Variants in GALNT16 observed in about 807,000 individuals in gnomAD.
GALNT16 encodes the protein polypeptide N-acetylgalactosaminyltransferase 16.
A neutral mutation model predicts 76.1 loss-of-function variants in GALNT16; 40 were observed. The observed-to-expected ratio is 0.53, with a 90% CI of 0.41 to 0.68. The LOEUF (loss-of-function observed/expected upper bound fraction) is 0.68. Among genes scored for constraint, GALNT16 ranks in the 30% least tolerant of loss-of-function variants. GALNT16 has a pLI of 0.00. For missense variants in GALNT16, 621 were observed against 731.9 expected (o/e 0.85, Z 1.75); for synonymous variants, 276 against 285.2 (o/e 0.97, Z 0.32).
intron 1 of GALNT16, among the ~76,000 whole-genome samples, chr14:69,296,048 C>T (rs567102564): frequency 6.6e-6 from 1 of 152,284 alleles, no homozygotes; most frequent in Admixed American, 6.5e-5. Context: ...CACTGACTCT[C>T]GGTTCTGCAG....
chr14:69,294,450 C>T (rs1271447869), intron 1 of GALNT16, among the ~76,000 whole-genome samples: 1 of 152,134 alleles, frequency 6.6e-6, no homozygotes, highest in Non-Finnish European at 1.5e-5. Flanking sequence ...AGCCACTTTA[C>T]TGAGGTACGA....
chr14:69,282,401 T>G (rs2044555986), intron 1 of GALNT16, among the ~76,000 whole-genome samples: 1 of 152,184 alleles, frequency 6.6e-6, no homozygotes, highest in Admixed American at 6.5e-5. Flanking sequence ...GCACAGGCCA[T>G]CCTCTCTGCC....
intron 6 of GALNT16, among the ~76,000 whole-genome samples, chr14:69,329,847 C>T (rs1041299318): frequency 6.6e-6 from 1 of 152,060 alleles, no homozygotes; most frequent in African/African-American, 2.4e-5. Context: ...GAAGACAACA[C>T]CAAGCCATGA....
At chr14:69,365,181 C>T in the GALNT16 span, among the ~76,000 whole-genome samples, 32 of 152,208 alleles carry the variant, frequency 2.1e-4, no homozygotes, top group African/African-American at 7.7e-4. Context: ...AAACTGTTTC[C>T]AAATGTGAAT....
chr14:69,278,987 A>T (rs948235027), intron 1 of GALNT16, among the ~76,000 whole-genome samples: 2 of 150,220 alleles, frequency 1.3e-5, no homozygotes, highest in African/African-American at 4.9e-5. Context: ...GCTGGGGTGC[A>T]GTGGCACAGT....
the GALNT16 span, among the ~76,000 whole-genome samples, chr14:69,373,937 C>T: frequency 3.3e-5 from 5 of 152,128 alleles, no homozygotes; most frequent in African/African-American, 7.2e-5. Context: ...TATGCCACCA[C>T]ACCCAGCTAA....
intron 6 of GALNT16, among the ~76,000 whole-genome samples, chr14:69,330,251 A>C (rs2045336615): frequency 6.6e-6 from 1 of 152,250 alleles, no homozygotes; most frequent in Non-Finnish European, 1.5e-5. Context: ...ACATTAAAAA[A>C]ATGAAGAACT....
the GALNT16 span, among the ~76,000 whole-genome samples, chr14:69,372,337 G>A: frequency 1.4e-3 from 208 of 152,118 alleles, 1 homozygote; most frequent in African/African-American, 4.6e-3. Context: ...TCACTGATAC[G>A]GGGTCTGTTG....
intron 1 of GALNT16, among the ~76,000 whole-genome samples, chr14:69,293,960 G>A (rs1053390973): frequency 3.3e-5 from 5 of 151,766 alleles, no homozygotes; most frequent in African/African-American, 9.7e-5. Flanking sequence ...GCATAATCTC[G>A]GCTCACTGCA....
chr14:69,265,596 A>T (rs918435565), intron 1 of GALNT16, among the ~76,000 whole-genome samples: 2 of 152,194 alleles, frequency 1.3e-5, no homozygotes, highest in African/African-American at 4.8e-5. Flanking sequence ...CAGTTACAAG[A>T]TTGAAGATTT....
the GALNT16 span, among the ~76,000 whole-genome samples, chr14:69,365,109 T>C: frequency 6.6e-6 from 1 of 152,158 alleles, no homozygotes; most frequent in Non-Finnish European, 1.5e-5. Flanking sequence ...TCCCCTTAAA[T>C]ATATTAGGCA....
chr14:69,349,178 G>A (rs1566891182), intron 14 of GALNT16: 1 of 152,284 alleles, frequency 6.6e-6, no homozygotes, highest in East Asian at 1.9e-4. Flanking sequence ...TTTGGATGGT[G>A]GGGGGATGCA....
chr14:69,344,732 C>T (rs898612740), intron 12 of GALNT16, among the ~76,000 whole-genome samples: 1 of 152,170 alleles, frequency 6.6e-6, no homozygotes, highest in Non-Finnish European at 1.5e-5. Flanking sequence ...GATCAGCTTG[C>T]ACAACACCCT....
chr14:69,369,304 G>C, the GALNT16 span, among the ~76,000 whole-genome samples: 228 of 152,296 alleles, frequency 1.5e-3, 1 homozygote, highest in Non-Finnish European at 2.7e-3. Flanking sequence ...TAAGTGCTAA[G>C]TAAATATTTG....
intron 6 of GALNT16, among the ~76,000 whole-genome samples, chr14:69,329,755 G>A (rs911196117): frequency 3.3e-5 from 5 of 152,102 alleles, no homozygotes; most frequent in African/African-American, 1.2e-4. Flanking sequence ...CACATGGCGA[G>A]AGTGGGGGCA....
the GALNT16 span, among the ~76,000 whole-genome samples, chr14:69,376,585 C>G: frequency 6.6e-6 from 1 of 151,580 alleles, no homozygotes; most frequent in African/African-American, 2.4e-5. Context: ...GAAAGTTAAC[C>G]CAAGGTAACC....
At chr14:69,260,136 A>ACGC, upstream of GALNT16, 1 of 113,994 alleles carries the variant, frequency 8.8e-6, no homozygotes, top group South Asian at 2.2e-4. Flanking sequence ...TCTCCCTATC[A>ACGC]CCCCCCCGCC....
the GALNT16 span, among the ~76,000 whole-genome samples, chr14:69,364,527 A>C: frequency 6.6e-6 from 1 of 151,888 alleles, no homozygotes; most frequent in Non-Finnish European, 1.5e-5. The surrounding 1 kb of genome is among the most constrained non-coding windows in gnomAD (Gnocchi z 4.2). Context: ...TTTCATTTAA[A>C]CTGGCAGCAA....
At chr14:69,337,728 G>A (rs565332280) in intron 9 of GALNT16, among the ~76,000 whole-genome samples, 3 of 152,160 alleles carry the variant, frequency 2.0e-5, no homozygotes, top group Non-Finnish European at 4.4e-5. Flanking sequence ...ACATCTGGAC[G>A]TCACTTGGTG....
Sources: gnomAD v4.1 joint callset for allele counts (sites outside exome capture counted in the v4.1 genomes callset) on GRCh38, gnomAD v4.1.1 for gene constraint, Gnocchi (gnomAD v3.1) non-coding constraint, MANE v1.5 for transcripts, NCBI Gene and HGNC (gene_info 2026-07-23, HGNC 2026-07-21) for gene names.